The following ST7 variants were observed in gnomAD, a reference collection of about 807,000 sequenced individuals.
The protein encoded by ST7 is suppressor of tumorigenicity 7 protein.
Under a neutral mutation model 78.7 loss-of-function variants are expected in ST7, and 28 were observed. The ratio of observed to expected loss-of-function variants is 0.36; its 90% CI spans 0.26 to 0.49. ST7 has a LOEUF of 0.49. Among genes scored for constraint, ST7 ranks in the 20% least tolerant of loss-of-function variants. The pLI is 0.99. For synonymous variants in ST7, 247 were observed against 249.6 expected, an observed-to-expected ratio of 0.99 and a Z score of 0.10; for missense variants, 418 against 696.0, an observed-to-expected ratio of 0.60 and a Z score of 4.49.
chr7:117,053,269 G>A (rs1584528849), intron 1 of ST7, among the ~76,000 whole-genome samples: 1 of 152,176 alleles, frequency 6.6e-6, no homozygotes, highest in East Asian at 1.9e-4. Context: ...TAATGATCAG[G>A]GCATCAGAAC....
rs148082335 is a variant in ST7, at chr7:117,013,801, C to G, written c.151+60110C>G. 3.9e-5 allele frequency among the ~76,000 whole-genome samples: 6 copies of G among 152,188 alleles called. No individual in the cohort carries two copies. In the East Asian group the frequency reaches 1.2e-3, roughly 29 times the overall value. ...TGAGGCGAGATCACGCCACTGCACT[C>G]CAGCCTGAGCGACAGAGTGAGACTC... On this transcript the variant is annotated intron_variant, in intron 1 of 15. Coordinates refer to ENST00000323984, the MANE Select transcript of ST7 (RefSeq NM_001369598.1).
In ST7 at chr7:117,005,243, T is replaced by C. The variant is rs552726980; in HGVS notation, c.151+51552T>C. ...TGACAAAAATAACTTAATTTTTTTT[T>C]CTTCATTTTATGTATCACTTCTTGT... On this transcript the variant is annotated intron_variant, in intron 1 of 15. Transcript: ENST00000323984. Among the ~76,000 whole-genome samples, 4 of 152,344 alleles carry C rather than the reference T, an allele frequency of 2.6e-5. 1 individual carries two copies. Among genetic ancestry groups the C allele is most frequent in the African/African-American group, 9.6e-5 (4 of 41,578 alleles).
chr7:117,014,853 T>G, intron 1 of ST7: 1 of 510,904 alleles, frequency 2.0e-6, no homozygotes, highest in Non-Finnish European at 3.1e-6. Context: ...CGTTGCCGCT[T>G]GAGAGAGATA....
intron 1 of ST7, among the ~76,000 whole-genome samples, chr7:116,961,769 T>C (rs1353489858): frequency 6.6e-6 from 1 of 151,894 alleles, no homozygotes; most frequent in Non-Finnish European, 1.5e-5. Context: ...TTTCTTTCTT[T>C]TTTTTTTTTA....
At chr7:117,067,652 T>G (rs1297850294) in intron 1 of ST7, among the ~76,000 whole-genome samples, 1 of 152,052 alleles carries the variant, frequency 6.6e-6, no homozygotes, top group Non-Finnish European at 1.5e-5. Flanking sequence ...GGTGGGAGAT[T>G]GTGGCTAAAG....
chr7:117,101,801 T>G (rs967934321), intron 2 of ST7, among the ~76,000 whole-genome samples: 1 of 152,204 alleles, frequency 6.6e-6, no homozygotes, highest in Non-Finnish European at 1.5e-5. Context: ...AAAATTCTGT[T>G]TCTCTAGAAC....
Position 117,210,755 on chromosome 7 carries a change from T to G in ST7, c.1405+818T>G, listed in dbSNP as rs534975571. Among the ~76,000 whole-genome samples the G allele has an allele frequency of 7.9e-5, 12 of 152,234 alleles. No individual in the cohort carries two copies. In the South Asian group the frequency reaches 2.5e-3, roughly 32 times the overall value. ...GAAGAAATGGTAAGTGGTGGGGCTG[T>G]TTGAGAGGATGTAAATTAAGGAAAA... On this transcript the variant is annotated intron_variant, in intron 13 of 15. Coordinates refer to ENST00000323984, the MANE Select transcript of ST7 (RefSeq NM_001369598.1).
At chr7:117,044,617 G>A (rs1044104393) in intron 1 of ST7, among the ~76,000 whole-genome samples, 4 of 152,136 alleles carry the variant, frequency 2.6e-5, no homozygotes, top group African/African-American at 9.7e-5. Context: ...CCTAAGGTAG[G>A]GGTTTTATCA....
At chr7:116,966,247 C>CTTT (rs374887005) in intron 1 of ST7, 33 of 178,502 alleles carry the variant, frequency 1.8e-4, no homozygotes, top group South Asian at 3.6e-4. Context: ...TTTTTTCTTT[C>CTTT]TTTTTTTTTT....
chr7:117,150,188 G>T (rs1477987555), intron 9 of ST7, among the ~76,000 whole-genome samples: 4 of 152,116 alleles, frequency 2.6e-5, no homozygotes, highest in African/African-American at 9.7e-5. Flanking sequence ...GTCACTATGG[G>T]TATAGACTTA....
chr7:117,183,374 G>C (rs1168365045), intron 10 of ST7, among the ~76,000 whole-genome samples: 1 of 151,626 alleles, frequency 6.6e-6, no homozygotes, highest in African/African-American at 2.4e-5. Flanking sequence ...TGTAGTGAGG[G>C]AGATTGTGCT....
intron 1 of ST7, chr7:116,968,415 C>T (rs1265100319): frequency 2.2e-6 from 1 of 451,102 alleles, no homozygotes; most frequent in Admixed American, 2.4e-5. Flanking sequence ...ACTATGTTGA[C>T]CGTGCTGGAC....
At chr7:117,105,456 A>G (rs151087165) in intron 2 of ST7, among the ~76,000 whole-genome samples, 1 of 152,208 alleles carries the variant, frequency 6.6e-6, no homozygotes, top group East Asian at 1.9e-4. Flanking sequence ...AATTTTTAAA[A>G]TTGTTTGTAG....
Position 117,035,296 on chromosome 7 carries a change from T to C in ST7, c.152-64466T>C, listed in dbSNP as rs140620264. Among the ~76,000 whole-genome samples, 27 of 152,240 alleles carry C rather than the reference T, an allele frequency of 1.8e-4. No homozygotes were observed. The East Asian group carries it at 5.0e-3, about 28-fold the overall frequency. ...GAAGTGGAGTCTGAGTAACACCAGC[T>C]GTGTGTGGTGTCAGGCTGGAACAAT... On this transcript the variant is annotated intron_variant, in intron 1 of 15. Coordinates refer to ENST00000323984, the MANE Select transcript of ST7 (RefSeq NM_001369598.1).
At chr7:117,103,480 ACT>A (rs1269450539) in intron 2 of ST7, among the ~76,000 whole-genome samples, 5 of 152,222 alleles carry the variant, frequency 3.3e-5, no homozygotes, top group Non-Finnish European at 7.4e-5. Flanking sequence ...CGACAAAGGC[ACT>A]GAGAACGTAC....
At chr7:117,218,904 G>A (rs559741442) in intron 13 of ST7, 180 bp from the exon 14 acceptor site, 13 of 572,058 alleles carry the variant, frequency 2.3e-5, no homozygotes, top group Non-Finnish European at 4.0e-5. Context: ...AGATGAATGT[G>A]TGAGTAATCC....
chr7:117,038,574 A>G (rs1197877636), intron 1 of ST7, among the ~76,000 whole-genome samples: 2 of 152,234 alleles, frequency 1.3e-5, no homozygotes, highest in African/African-American at 2.4e-5. Context: ...TATTCTGCTC[A>G]TAAACTTGCT....
chr7:117,159,469 G>A (rs989531850), intron 9 of ST7, among the ~76,000 whole-genome samples: 1 of 152,174 alleles, frequency 6.6e-6, no homozygotes, highest in African/African-American at 2.4e-5. Flanking sequence ...CCAGGAGAAA[G>A]CAATTACCAG....
At chr7:117,129,967 T>C in intron 4 of ST7, 120 bp downstream of exon 4, 2 of 657,732 alleles carry the variant, frequency 3.0e-6, no homozygotes, top group South Asian at 4.1e-5. Context: ...GCGTCCATTT[T>C]TTAATACTAT....
Sources: allele counts gnomAD v4.1 joint callset (sites outside exome capture counted in the v4.1 genomes callset), GRCh38; gene constraint gnomAD v4.1.1; transcripts MANE v1.5; gene names NCBI Gene and HGNC (gene_info 2026-07-23, HGNC 2026-07-21).